The following ANXA2 variants were observed in gnomAD, a reference collection of about 807,000 sequenced individuals.
ANXA2 encodes annexin II.
A neutral mutation model predicts 47.3 loss-of-function variants in ANXA2; 28 were observed. The observed-to-expected ratio is 0.59, with a 90% CI of 0.44 to 0.81. The LOEUF (loss-of-function observed/expected upper bound fraction) is 0.81. Ranked by LOEUF, ANXA2 falls within the 40% of genes least tolerant of loss-of-function variation. The pLI is 0.00. For missense variants in ANXA2, 384 were observed against 414.3 expected (o/e 0.93, Z 0.64); for synonymous variants, 172 against 155.5 (o/e 1.11, Z -0.79).
intron 5 of ANXA2, among the ~76,000 whole-genome samples, chr15:60,358,468 A>G (rs1390806821): frequency 1.3e-5 from 2 of 152,250 alleles, no homozygotes; most frequent in African/African-American, 4.8e-5. Context: ...TGTTAATACA[A>G]TAAGAAACTT....
At position 60,347,676 on chromosome 15, in the gene ANXA2, C is replaced by T. The variant is rs776380419; in HGVS notation, c.974G>A (p.Gly325Asp). ...GTACAGCAGCGCTTTCTGGTAGTCG[C>T]CCTTAGTGTCTTGCTACAATGGCCC... is the stretch of plus-strand genomic sequence containing the variant. ...LYYYIQQDTK[G>D]DYQKALLYLC... is the part of the protein sequence containing the mutation. Residue 325 changes from glycine to aspartate, a missense_variant, in exon 13 of 13, where the codon GGC becomes GAC. Gly to Asp is a moderately conservative substitution (Grantham distance 94, BLOSUM62 -1). Coordinates refer to ENST00000451270, the MANE Select transcript of ANXA2 (RefSeq NM_004039.3). 3 of 1,614,162 alleles carry T rather than the reference C, an allele frequency of 1.9e-6. No homozygotes were observed. The highest frequency in any genetic ancestry group is 3.3e-5 in the Admixed American group (2 of 60,020).
chr15:60,349,871 G>T (rs542736414), intron 11 of ANXA2, among the ~76,000 whole-genome samples: 13 of 111,338 alleles, frequency 1.2e-4, no homozygotes, highest in Admixed American at 2.0e-4. Flanking sequence ...GGGAGGCAGG[G>T]GAAGGCAAGG....
At chr15:60,384,510 CATAAGAAAT>C (rs1488468890) in intron 2 of ANXA2, 1 of 152,214 alleles carries the variant, frequency 6.6e-6, no homozygotes, top group Non-Finnish European at 1.5e-5. Flanking sequence ...CCTCTCCACA[CATAAGAAAT>C]ATACTAGAGT....
intron 3 of ANXA2, among the ~76,000 whole-genome samples, chr15:60,366,775 G>A (rs2062616681): frequency 2.6e-5 from 3 of 117,436 alleles, no homozygotes; most frequent in Non-Finnish European, 3.6e-5. Context: ...CCCTCTGCCC[G>A]GCCAGCCGCC....
intron 3 of ANXA2, among the ~76,000 whole-genome samples, chr15:60,378,314 T>C (rs1595696098): frequency 6.6e-6 from 1 of 152,340 alleles, no homozygotes; most frequent in Admixed American, 6.5e-5. Context: ...AGATTAACTG[T>C]ATCTCAATAA....
intron 5 of ANXA2, among the ~76,000 whole-genome samples, chr15:60,360,740 T>A (rs555334852): frequency 1.3e-5 from 2 of 152,248 alleles, no homozygotes; most frequent in Non-Finnish European, 2.9e-5. Flanking sequence ...CTCAGCATCA[T>A]GAAATTTCTT....
chr15:60,367,236 C>A (rs2062634262), intron 3 of ANXA2, among the ~76,000 whole-genome samples: 1 of 119,672 alleles, frequency 8.4e-6, no homozygotes, highest in Non-Finnish European at 1.8e-5. Flanking sequence ...CAGCCCCCCG[C>A]CCGGCCAGCC....
chr15:60,380,893 T>G (rs1372199436), intron 3 of ANXA2, among the ~76,000 whole-genome samples: 3 of 151,412 alleles, frequency 2.0e-5, no homozygotes, highest in African/African-American at 7.3e-5. Flanking sequence ...GACAGTCATC[T>G]GGGGGGTGGT....
rs138913223 is a variant in ANXA2, at chr15:60,354,808, T to C, written c.529-595A>G. Reference sequence around the variant, plus strand: ...GTCCCCATCCCCCACAAAAAGCTGATGAGATTTAGCTCTTTCTCACAGAGA... The same window carrying C: ...GTCCCCATCCCCCACAAAAAGCTGACGAGATTTAGCTCTTTCTCACAGAGA... On this transcript the variant is annotated intron_variant, in intron 7 of 12. Transcript: ENST00000451270. Among the ~76,000 whole-genome samples the C allele has an allele frequency of 8.8e-4, 134 of 152,062 alleles. 1 individual carries two copies. The highest frequency in any genetic ancestry group is 3.1e-3 in the Admixed American group (47 of 15,292).
intron 1 of ANXA2, among the ~76,000 whole-genome samples, chr15:60,389,401 C>T (rs2062977685): frequency 6.6e-6 from 1 of 152,186 alleles, no homozygotes; most frequent in African/African-American, 2.4e-5. Flanking sequence ...GTTGTTCTTT[C>T]AAGTTGTCTT....
At chr15:60,362,968 T>G (rs961140209) in intron 4 of ANXA2, 3 of 136,548 alleles carry the variant, frequency 2.2e-5, no homozygotes, top group East Asian at 2.2e-4. Context: ...ATGGCAGAAG[T>G]TGCAGTAAGC....
intron 4 of ANXA2, among the ~76,000 whole-genome samples, chr15:60,362,471 C>T (rs905436526): frequency 6.6e-5 from 10 of 152,172 alleles, no homozygotes; most frequent in African/African-American, 1.9e-4. Context: ...TCGCATCTGG[C>T]GTCTGCTAGA....
rs199587204 is a variant in ANXA2 at position 60,349,136 on chromosome 15, A to G, written c.899T>C (p.Met300Thr). 6.2e-7 allele frequency: 1 copy of G among 1,613,990 alleles called. No homozygotes were observed. The highest frequency in any genetic ancestry group is 1.3e-5 in the African/African-American group (1 of 75,038). Residue 300 changes from methionine to threonine, a missense_variant, in exon 12 of 13, where the codon ATG becomes ACG. Met to Thr is a moderately conservative substitution (Grantham distance 81). Transcript: ENST00000451270. ...RIMVSRSEVDMLKIRSEFKRK... is the reference protein window; with the variant it reads ...RIMVSRSEVDTLKIRSEFKRK... ...CTTGAATTCAGACCTAATTTTCAAC[A>G]TGTCCACTTCACTGCGGGAGACCAT...
intron 5 of ANXA2, among the ~76,000 whole-genome samples, chr15:60,358,565 C>T (rs1043211556): frequency 2.0e-5 from 3 of 152,192 alleles, no homozygotes; most frequent in African/African-American, 7.2e-5. Flanking sequence ...ATAAGCTAAG[C>T]CTCAGGTTAA....
intron 3 of ANXA2, among the ~76,000 whole-genome samples, chr15:60,365,600 A>C (rs72746605): frequency 1.3e-5 from 2 of 152,252 alleles, no homozygotes; most frequent in East Asian, 3.9e-4. Context: ...AGACAAAGAC[A>C]AACAGCAGAT....
At position 60,371,121 on chromosome 15, in the gene ANXA2, A is replaced by C. The variant is rs148257744; in HGVS notation, c.149-6598T>G. 2.0e-5 allele frequency among the ~76,000 whole-genome samples: 3 copies of C among 152,380 alleles called. No homozygotes were observed. The East Asian group carries it at 5.8e-4, about 29-fold the overall frequency. On this transcript the variant is annotated intron_variant, in intron 3 of 12. Transcript: ENST00000451270. ...ATGTATTTGGCTCCTGATAAGAAAC[A>C]GCACAAGGAAATCTTTAAGCATTTA...
chr15:60,374,824 G>C, intron 3 of ANXA2: 1 of 401,288 alleles, frequency 2.5e-6, no homozygotes, highest in South Asian at 1.8e-5. Flanking sequence ...CTTGAACACA[G>C]AGAGAAAGGC....
intron 12 of ANXA2, among the ~76,000 whole-genome samples, chr15:60,348,034 T>G (rs1345797891): frequency 6.6e-6 from 1 of 152,190 alleles, no homozygotes; most frequent in Non-Finnish European, 1.5e-5. Flanking sequence ...TCTCTCGTCC[T>G]CGTCTTTCCA....
In ANXA2 at chr15:60,352,507, C is replaced by G; in HGVS notation, c.589-31G>C. 2 of 1,489,378 alleles carry G rather than the reference C, an allele frequency of 1.3e-6. No individual in the cohort carries two copies. Among genetic ancestry groups the G allele is most frequent in the Non-Finnish European group, 1.9e-6 (2 of 1,074,406 alleles). 92.3% of individuals were successfully genotyped at this position (1,489,378 alleles called of 1,614,324 possible). On this transcript the variant is annotated intron_variant, in intron 8 of 12. Coordinates refer to ENST00000451270, the MANE Select transcript of ANXA2 (RefSeq NM_004039.3). This position sits in a 1 kb window ranked among gnomAD's most constrained non-coding sequence, Gnocchi z 4.2. ...AGTACAACCAACCAGGAAAAGTTAA[C>G]TACACATCCAATGTAACGTCAAAAA...
Sources: gnomAD v4.1 joint callset for allele counts (sites outside exome capture counted in the v4.1 genomes callset) on GRCh38, gnomAD v4.1.1 for gene constraint, Gnocchi (gnomAD v3.1) non-coding constraint, MANE v1.5 for transcripts, NCBI Gene and HGNC (gene_info 2026-07-23, HGNC 2026-07-21) for gene names.